The following DNMT1 variants were observed in gnomAD, a reference collection of about 807,000 sequenced individuals.
The protein encoded by DNMT1 is DNA (cytosine-5)-methyltransferase 1.
Under a neutral mutation model 205.3 loss-of-function variants are expected in DNMT1, and 24 were observed. That is an observed-to-expected ratio of 0.12 (90% CI 0.08 to 0.16). The LOEUF is 0.16. DNMT1 is among the 10% of genes least tolerant of loss of function. The pLI is 1.00. For missense variants in DNMT1, 1,293 were observed against 2,177.7 expected, an observed-to-expected ratio of 0.59 and a Z score of 8.09; for synonymous variants, 817 against 839.8, an observed-to-expected ratio of 0.97 and a Z score of 0.47.
Position 10,180,437 on chromosome 19 carries a change from C to G in DNMT1, c.358G>C (p.Val120Leu), listed in dbSNP as rs75616428. The change falls in exon 4 of 41, where the codon GTG becomes CTG. Residue 120 changes from valine to leucine, a missense_variant. This residue lies in a region of DNMT1 where 394 missense variants were observed against 451.6 expected (regional missense o/e 0.87). Transcript: ENST00000359526. ...GNQARSEARRVGMADANSPPK... is the reference protein window; with the variant it reads ...GNQARSEARRLGMADANSPPK... ...GGGCTGTTGGCATCTGCCATTCCCA[C>G]TCTACGGGCTTCACTTCTTGCTTGG... 3,877 of 1,614,188 alleles carry G rather than the reference C, an allele frequency of 2.4e-3. 88 individuals are homozygous for G. In the East Asian group the frequency reaches 0.059, roughly 25 times the overall value.
chr19:10,181,699 C>A (rs975718447), intron 2 of DNMT1, among the ~76,000 whole-genome samples: 1 of 151,884 alleles, frequency 6.6e-6, no homozygotes, highest in South Asian at 2.1e-4. Flanking sequence ...CATGGTGGTG[C>A]GTGCCTGTAG....
chr19:10,186,916 T>A (rs1387812040), intron 1 of DNMT1, among the ~76,000 whole-genome samples: 1 of 150,654 alleles, frequency 6.6e-6, no homozygotes, highest in East Asian at 2.0e-4. Context: ...CCTGCGGGAT[T>A]CCCAAGAGAA....
chr19:10,135,846 C>T lies in DNMT1; in HGVS notation c.4663G>A (p.Val1555Met), dbSNP rs919486255. The change falls in exon 39 of 41, where the codon GTG (valine) becomes ATG (methionine). Residue 1555 changes from valine (V) to methionine (M), a missense_variant. Physicochemically the swap from Val to Met is conservative, Grantham distance 21 (BLOSUM62 1). Around this residue, in one of 13 missense-constraint regions of DNMT1, gnomAD observed 24 missense variants for 58.0 expected, o/e 0.41. Transcript: ENST00000359526. Reference protein sequence around the residue: ...NPEPMGKQGRVLHPEQHRVVS... With the variant: ...NPEPMGKQGRMLHPEQHRVVS... ...ACACGGTGCTGCTCTGGGTGGAGCA[C>T]GCGGCCCTGGGGGAAAGAGGCGCGG... is the stretch of plus-strand genomic sequence containing the variant. 12 of 1,552,592 alleles carry T rather than the reference C, an allele frequency of 7.7e-6. No individual in the cohort carries two copies. The highest frequency in any genetic ancestry group is 1.2e-5 in the South Asian group (1 of 84,750).
At chr19:10,158,908 G>A (rs1268518752) in intron 17 of DNMT1, among the ~76,000 whole-genome samples, 1 of 152,096 alleles carries the variant, frequency 6.6e-6, no homozygotes, top group East Asian at 1.9e-4. Flanking sequence ...GGTCTTTACT[G>A]AAAATCATTA....
chr19:10,194,714 G>A (rs2145417247), intron 1 of DNMT1, 106 bp downstream of exon 1: 3 of 1,425,002 alleles, frequency 2.1e-6, no homozygotes, highest in Non-Finnish European at 2.8e-6. Context: ...CCACGCATGC[G>A]CGCCCGTCTG....
chr19:10,143,687 G>T, intron 29 of DNMT1, 79 bp downstream of exon 29: 1 of 1,506,538 alleles, frequency 6.6e-7, no homozygotes, highest in Non-Finnish European at 9.2e-7. Flanking sequence ...AACTGTGGGT[G>T]CTATGCCACA....
At chr19:10,134,130 G>T in intron 40 of DNMT1, 87 bp downstream of exon 40, 1 of 1,456,930 alleles carries the variant, frequency 6.9e-7, no homozygotes, top group Non-Finnish European at 9.6e-7. Flanking sequence ...GAGTCCCAGA[G>T]CCCAAAACGG....
chr19:10,136,886 C>G (rs1599340934), intron 37 of DNMT1, among the ~76,000 whole-genome samples, 199 bp downstream of exon 37: 1 of 152,156 alleles, frequency 6.6e-6, no homozygotes, highest in African/African-American at 2.4e-5. Context: ...CTTGGTTTCC[C>G]AAAGTGCTGG....
intron 34 of DNMT1, 132 bp downstream of exon 34, chr19:10,139,544 C>T: frequency 2.0e-6 from 3 of 1,464,966 alleles, no homozygotes; most frequent in Admixed American, 3.9e-5. Context: ...TGGGACAGAG[C>T]ACCATGCCAG....
intron 13 of DNMT1, among the ~76,000 whole-genome samples, chr19:10,161,321 GTAAA>G (rs112691763): frequency 0.48 from 70,959 of 146,464 alleles, 17,609 homozygotes; most frequent in East Asian, 0.64. Context: ...AAATACATAA[GTAAA>G]TAAATAAATA....
At chr19:10,183,418 A>G (rs995447493) in intron 1 of DNMT1, among the ~76,000 whole-genome samples, 1 of 152,082 alleles carries the variant, frequency 6.6e-6, no homozygotes, top group African/African-American at 2.4e-5. Context: ...CCCAGCCTGT[A>G]TATTTTAAAA....
intron 9 of DNMT1, among the ~76,000 whole-genome samples, chr19:10,170,376 C>A (rs1599383967): frequency 6.6e-6 from 1 of 151,656 alleles, no homozygotes; most frequent in Non-Finnish European, 1.5e-5. Context: ...CAGTGGCTCA[C>A]GCCTGTAATC....
Position 10,151,382 on chromosome 19 carries a change from G to T in DNMT1, c.2265+16C>A. Reference sequence around the variant, plus strand: ...GGAACATGGCAGTGAGCTGACCAAGGGGCTCCAAGGGTTACCTTGACGGCT... The same window carrying T: ...GGAACATGGCAGTGAGCTGACCAAGTGGCTCCAAGGGTTACCTTGACGGCT... On this transcript the variant is annotated intron_variant, in intron 24 of 40. Coordinates refer to ENST00000359526, the MANE Select transcript of DNMT1 (RefSeq NM_001130823.3). This position sits in a 1 kb window ranked among gnomAD's most constrained non-coding sequence, Gnocchi z 5.0. 6.2e-7 allele frequency: 1 copy of T among 1,611,532 alleles called. No individual in the cohort carries two copies. The highest frequency in any genetic ancestry group is 8.5e-7 in the Non-Finnish European group (1 of 1,179,998).
chr19:10,181,425 G>A (rs2039044203), intron 2 of DNMT1, among the ~76,000 whole-genome samples: 1 of 151,816 alleles, frequency 6.6e-6, no homozygotes, highest in Non-Finnish European at 1.5e-5. Context: ...CTCCAGCCTG[G>A]GCTACAGAAT....
chr19:10,151,890 T>A lies in DNMT1; in HGVS notation c.2020-43A>T, dbSNP rs780330758. Reference sequence around the variant, plus strand: ...AAAGGCAAATCAGGGCTGGGCACAGTGGTTCATGCCTGTAATCCCAGTATT... The same window carrying A: ...AAAGGCAAATCAGGGCTGGGCACAGAGGTTCATGCCTGTAATCCCAGTATT... On this transcript the variant is annotated intron_variant, in intron 22 of 40. Transcript: ENST00000359526. The surrounding 1 kb of genome is among the most constrained non-coding windows in gnomAD (Gnocchi z 5.0). 6.3e-7 allele frequency: 1 copy of A among 1,582,626 alleles called. No individual in the cohort carries two copies. Among genetic ancestry groups the A allele is most frequent in the Non-Finnish European group, 8.7e-7 (1 of 1,152,054 alleles).
Position 10,151,461 on chromosome 19 carries a change from C to T in DNMT1, c.2202G>A (p.Met734Ile). The change falls in exon 24 of 41, where the codon ATG (methionine) becomes ATA (isoleucine). Residue 734 changes from methionine (M) to isoleucine (I), a missense_variant. Physicochemically the swap from Met to Ile is conservative, Grantham distance 10. Around this residue, in one of 13 missense-constraint regions of DNMT1, gnomAD observed 197 missense variants for 353.6 expected, o/e 0.56. Coordinates refer to ENST00000359526, the MANE Select transcript of DNMT1 (RefSeq NM_001130823.3). The surrounding 1 kb of genome is among the most constrained non-coding windows in gnomAD (Gnocchi z 5.0). The part of the protein sequence containing the change: ...NIPEMPSPKK[M>I]HQGKKKKQNK... Reference sequence around the variant, plus strand: ...TCTGTTTCTTCTTCTTCCCCTGGTGCATTTTTTTGGGTGACGGCATCTCTG... The same window carrying T: ...TCTGTTTCTTCTTCTTCCCCTGGTGTATTTTTTTGGGTGACGGCATCTCTG... The T allele has an allele frequency of 9.9e-6, 16 of 1,614,122 alleles. No homozygotes were observed. Among genetic ancestry groups the T allele is most frequent in the Non-Finnish European group, 1.4e-5 (16 of 1,180,028 alleles).
intron 1 of DNMT1, among the ~76,000 whole-genome samples, chr19:10,186,437 C>T (rs1442271515): frequency 1.3e-5 from 2 of 152,018 alleles, no homozygotes; most frequent in South Asian, 2.1e-4. Context: ...CCGTGAAGGA[C>T]GGAGCAGAGG....
chr19:10,190,694 G>C (rs922880126), intron 1 of DNMT1, among the ~76,000 whole-genome samples: 5 of 151,932 alleles, frequency 3.3e-5, no homozygotes, highest in Non-Finnish European at 5.9e-5. Context: ...GAACCCGGGA[G>C]GGGGAGGTTG....
At chr19:10,175,907 C>G (rs1328323896) in intron 6 of DNMT1, among the ~76,000 whole-genome samples, 1 of 152,130 alleles carries the variant, frequency 6.6e-6, no homozygotes, top group Non-Finnish European at 1.5e-5. Context: ...GTGGCTCACG[C>G]CTATAATCCC....
Sources: allele counts gnomAD v4.1 joint callset (sites outside exome capture counted in the v4.1 genomes callset), GRCh38; gene constraint gnomAD v4.1.1; regional missense constraint gnomAD v4.1.1; non-coding constraint Gnocchi (gnomAD v3.1); transcripts MANE v1.5; gene names NCBI Gene and HGNC (gene_info 2026-07-23, HGNC 2026-07-21).